FNIP2: variants seen among roughly 807,000 people sequenced by gnomAD.
FNIP2 encodes folliculin-interacting protein 2.
FNIP2 carries 32 observed loss-of-function variants against 108.7 expected under a neutral mutation model. The observed-to-expected ratio is 0.29, with a 90% CI of 0.22 to 0.40. The LOEUF is 0.40. Among genes scored for constraint, FNIP2 ranks in the 10% least tolerant of loss-of-function variants. The probability of loss-of-function intolerance (pLI) is 1.00; values close to 1 mark genes in which losing one functional copy is unlikely to be tolerated. For synonymous variants in FNIP2, 480 were observed against 496.7 expected, an observed-to-expected ratio of 0.97 and a Z score of 0.45; for missense variants, 1,202 against 1,381.6, an observed-to-expected ratio of 0.87 and a Z score of 2.06.
chr4:158,872,104 A>G, intron 14 of FNIP2: 1 of 985,270 alleles, frequency 1.0e-6, no homozygotes, highest in African/African-American at 1.7e-5. Context: ...CTTCTGACAG[A>G]GGTACCAAGA....
chr4:158,788,145 C>T (rs1302969848), intron 1 of FNIP2, among the ~76,000 whole-genome samples: 1 of 152,210 alleles, frequency 6.6e-6, no homozygotes, highest in Non-Finnish European at 1.5e-5. Context: ...GTAACCACCT[C>T]ATGGTGGTGG....
intron 10 of FNIP2, among the ~76,000 whole-genome samples, chr4:158,860,930 A>G (rs978768816): frequency 2.0e-5 from 3 of 152,092 alleles, no homozygotes; most frequent in African/African-American, 7.2e-5. Context: ...CTGGGATTAC[A>G]GGTATGAGCC....
chr4:158,903,208 C>T (rs1011621188), intron 16 of FNIP2, among the ~76,000 whole-genome samples: 4 of 152,148 alleles, frequency 2.6e-5, no homozygotes, highest in African/African-American at 4.8e-5. Flanking sequence ...GAGTTCCTCA[C>T]GGCTTCCCTT....
At chr4:158,867,126 T>C (rs901248562) in intron 12 of FNIP2, among the ~76,000 whole-genome samples, 2 of 152,208 alleles carry the variant, frequency 1.3e-5, no homozygotes, top group African/African-American at 4.8e-5. Flanking sequence ...CACAGTACAT[T>C]AGTCAGTTTT....
chr4:158,877,985 G>T (rs1781378740), intron 14 of FNIP2, among the ~76,000 whole-genome samples: 1 of 149,246 alleles, frequency 6.7e-6, no homozygotes, highest in South Asian at 2.1e-4. Flanking sequence ...AAAAAGATCT[G>T]AGGTAGGAGG....
intron 12 of FNIP2, among the ~76,000 whole-genome samples, chr4:158,864,818 A>G (rs1780490138): frequency 6.7e-6 from 1 of 148,666 alleles, no homozygotes. Flanking sequence ...CTCCTTCTCC[A>G]TCCTCTTTTG....
chr4:158,854,539 C>A (rs1465895306), intron 8 of FNIP2, among the ~76,000 whole-genome samples: 1 of 152,216 alleles, frequency 6.6e-6, no homozygotes, highest in East Asian at 1.9e-4. Flanking sequence ...TTCATCCGTG[C>A]CCTCCCCATC....
rs748489884 is a variant in FNIP2 at position 158,895,828 on chromosome 4, A to C, written c.3229A>C (p.Thr1077Pro). The C allele has an allele frequency of 6.2e-7, 1 of 1,613,284 alleles. No homozygotes were observed. Among genetic ancestry groups the C allele is most frequent in the South Asian group, 1.1e-5 (1 of 90,938 alleles). ...KMLSEYLRGH[T>P]RVHVKELGVV... ...GCTATCTGAATATCTCCGGGGACAC[A>C]CACGAGTCCATGTGAAAGAATTAGG... Residue 1077 changes from threonine (T) to proline (P), a missense_variant, in exon 16 of 17, where the codon ACA (threonine) becomes CCA (proline). By Grantham distance (38) the Thr-to-Pro change is conservative. Coordinates refer to ENST00000264433, the MANE Select transcript of FNIP2 (RefSeq NM_020840.3).
chr4:158,864,555 T>C (rs1425842134), intron 12 of FNIP2, among the ~76,000 whole-genome samples: 1 of 152,176 alleles, frequency 6.6e-6, no homozygotes, highest in African/African-American at 2.4e-5. Context: ...TTGTTCTCTC[T>C]CAGCTTCTCC....
chr4:158,821,811 A>G (rs1426832576), intron 1 of FNIP2, among the ~76,000 whole-genome samples: 2 of 152,058 alleles, frequency 1.3e-5, no homozygotes, highest in East Asian at 3.8e-4. Flanking sequence ...TTTTTCCTCT[A>G]CTAATACTAA....
intron 8 of FNIP2, among the ~76,000 whole-genome samples, chr4:158,857,279 T>C (rs188158999): frequency 6.6e-6 from 1 of 152,334 alleles, no homozygotes; most frequent in Admixed American, 6.5e-5. Context: ...AAGCAAGCCT[T>C]ATTGTAATAT....
intron 15 of FNIP2, chr4:158,893,474 A>T (rs370810602): frequency 1.0e-5 from 5 of 497,406 alleles, no homozygotes; most frequent in Non-Finnish European, 1.8e-5. Flanking sequence ...TATTAGTATG[A>T]TAGTCAATAA....
At chr4:158,853,848 T>G (rs1344694001) in intron 8 of FNIP2, among the ~76,000 whole-genome samples, 1 of 152,234 alleles carries the variant, frequency 6.6e-6, no homozygotes, top group Non-Finnish European at 1.5e-5. Context: ...TTCTGACATT[T>G]CCTGTAACTT....
intron 1 of FNIP2, among the ~76,000 whole-genome samples, chr4:158,794,160 T>C (rs1199273721): frequency 6.6e-6 from 1 of 152,172 alleles, no homozygotes; most frequent in African/African-American, 2.4e-5. Context: ...TTCATTTCAC[T>C]TGTTTTTTGT....
At position 158,887,946 on chromosome 4, in the gene FNIP2, G is replaced by A. The variant is rs550786845; in HGVS notation, c.2950-3500G>A. 2.6e-5 allele frequency among the ~76,000 whole-genome samples: 4 copies of A among 152,258 alleles called. No homozygotes were observed. In the South Asian group the frequency reaches 8.3e-4, roughly 32 times the overall value. ...AATGGGGTTGAGTTTCCTTTGGAAA[G>A]ATGATCAGAAATCTCCAGTCACCAG... On this transcript the variant is annotated intron_variant, in intron 14 of 16. Coordinates refer to ENST00000264433, the MANE Select transcript of FNIP2 (RefSeq NM_020840.3).
At chr4:158,845,292 A>C (rs927813703) in intron 7 of FNIP2, among the ~76,000 whole-genome samples, 1 of 152,234 alleles carries the variant, frequency 6.6e-6, no homozygotes, top group Non-Finnish European at 1.5e-5. Flanking sequence ...CAGTACACAG[A>C]GTTAACTGGA....
chr4:158,866,947 C>T (rs540549377), intron 12 of FNIP2, among the ~76,000 whole-genome samples: 234 of 152,280 alleles, frequency 1.5e-3, no homozygotes, highest in African/African-American at 5.3e-3. Flanking sequence ...TTATAATTGT[C>T]CATCTTCTTA....
chr4:158,843,322 T>C (rs1779226117), intron 7 of FNIP2, among the ~76,000 whole-genome samples: 1 of 152,212 alleles, frequency 6.6e-6, no homozygotes, highest in African/African-American at 2.4e-5. Flanking sequence ...TCCAGAAATG[T>C]GTTTCTCTAA....
At chr4:158,890,688 TG>T (rs1396675339) in intron 14 of FNIP2, among the ~76,000 whole-genome samples, 1 of 152,196 alleles carries the variant, frequency 6.6e-6, no homozygotes, top group East Asian at 1.9e-4. Flanking sequence ...TGTATAGAAT[TG>T]ATGAGAAGTC....
Sources: gnomAD v4.1 joint callset for allele counts (sites outside exome capture counted in the v4.1 genomes callset) on GRCh38, gnomAD v4.1.1 for gene constraint, MANE v1.5 for transcripts, NCBI Gene and HGNC (gene_info 2026-07-23, HGNC 2026-07-21) for gene names.